The following SIPA1L1 variants were observed in gnomAD, a reference collection of about 807,000 sequenced individuals.
SIPA1L1 encodes signal induced proliferation associated 1 like 1, also known as signal-induced proliferation-associated 1-like protein 1.
In SIPA1L1, 26 loss-of-function variants were observed where a neutral mutation model predicts 162.7. The observed-to-expected ratio is 0.16, with a 90% CI of 0.12 to 0.22. SIPA1L1 has a LOEUF of 0.22. Among genes scored for constraint, SIPA1L1 ranks in the 10% least tolerant of loss-of-function variants. The pLI, the probability that SIPA1L1 is intolerant of heterozygous loss-of-function variation, is 1.00. For missense variants in SIPA1L1, 1,874 were observed against 2,241.0 expected, an observed-to-expected ratio of 0.84 and a Z score of 3.31; for synonymous variants, 829 against 837.4, an observed-to-expected ratio of 0.99 and a Z score of 0.17.
intron 2 of SIPA1L1, among the ~76,000 whole-genome samples, chr14:71,462,858 G>A (rs1595587306): frequency 6.6e-6 from 1 of 152,352 alleles, no homozygotes; most frequent in East Asian, 1.9e-4. Context: ...GACAGTAAAT[G>A]TATATTGCTG....
chr14:71,384,649 C>G lies in SIPA1L1; in HGVS notation c.-465+63468C>G, dbSNP rs542236488. Among the ~76,000 whole-genome samples, 11 of 152,314 alleles carry G rather than the reference C, an allele frequency of 7.2e-5. No individual in the cohort carries two copies. The East Asian group carries it at 2.1e-3, about 29-fold the overall frequency. On this transcript the variant is annotated intron_variant, in intron 2 of 23. Transcript: ENST00000381232. ...TTGAATTTAAGGTAAGTTTCTAACA[C>G]ATGGAATATGAAGTTCAAATACTCA...
intron 4 of SIPA1L1, among the ~76,000 whole-genome samples, chr14:71,559,050 G>A (rs188203711): frequency 6.6e-6 from 1 of 150,918 alleles, no homozygotes; most frequent in African/African-American, 2.4e-5. Context: ...CTACTCAATC[G>A]TAATTTCAGC....
intron 2 of SIPA1L1, among the ~76,000 whole-genome samples, chr14:71,508,499 G>A (rs1029970519): frequency 9.2e-5 from 14 of 152,140 alleles, no homozygotes; most frequent in Non-Finnish European, 1.6e-4. Flanking sequence ...TTTATAAGCC[G>A]AAGAGAAGCC....
chr14:71,712,291 G>A (rs551457566), intron 17 of SIPA1L1, among the ~76,000 whole-genome samples: 2 of 152,166 alleles, frequency 1.3e-5, no homozygotes, highest in East Asian at 3.9e-4. Context: ...CTCCTCATGA[G>A]AGCTACATTA....
intron 2 of SIPA1L1, among the ~76,000 whole-genome samples, chr14:71,484,899 A>G (rs1197337141): frequency 1.3e-5 from 2 of 152,220 alleles, no homozygotes; most frequent in African/African-American, 2.4e-5. Context: ...AACAAAACCT[A>G]TGCTTAGAGT....
At chr14:71,528,134 C>T (rs1467163339) in intron 3 of SIPA1L1, among the ~76,000 whole-genome samples, 1 of 152,144 alleles carries the variant, frequency 6.6e-6, no homozygotes, top group Non-Finnish European at 1.5e-5. Flanking sequence ...TTCAGCACTC[C>T]ATAGTGTGCT....
chr14:71,432,102 C>G (rs1209538320), intron 2 of SIPA1L1, among the ~76,000 whole-genome samples: 1 of 151,864 alleles, frequency 6.6e-6, no homozygotes, highest in Non-Finnish European at 1.5e-5. Flanking sequence ...GAGAAAGGAT[C>G]TTGTCTCTGT....
At chr14:71,426,920 A>T (rs2043612951) in intron 2 of SIPA1L1, among the ~76,000 whole-genome samples, 1 of 152,370 alleles carries the variant, frequency 6.6e-6, no homozygotes, top group African/African-American at 2.4e-5. Flanking sequence ...GTAATAATGA[A>T]CTAATAAGAG....
chr14:71,523,631 T>C (rs879390775), intron 3 of SIPA1L1, among the ~76,000 whole-genome samples: 7 of 152,246 alleles, frequency 4.6e-5, no homozygotes, highest in Non-Finnish European at 8.8e-5. Flanking sequence ...TTCCTTATTT[T>C]CTTTAACCTG....
In SIPA1L1 at chr14:71,411,731, C is replaced by T. The variant is rs201533447; in HGVS notation, c.-465+90550C>T. 5.6e-4 allele frequency among the ~76,000 whole-genome samples: 86 copies of T among 152,296 alleles called. 1 individual carries two copies. Among genetic ancestry groups the T allele is most frequent in the African/African-American group, 2.0e-3 (83 of 41,570 alleles). On this transcript the variant is annotated intron_variant, in intron 2 of 23. Coordinates refer to ENST00000381232, the MANE Select transcript of SIPA1L1 (RefSeq NM_001386936.1). ...TTCTGGTGCTTTGGGGTACGAGCAC[C>T]GGTCTTTGCCCCACTACCCACAGCC...
At chr14:71,579,490 G>A (rs558088876) in intron 4 of SIPA1L1, among the ~76,000 whole-genome samples, 4 of 152,334 alleles carry the variant, frequency 2.6e-5, no homozygotes, top group Middle Eastern at 3.4e-3. Flanking sequence ...GTGAGGAAAC[G>A]AAATGGGTGA....
At chr14:71,355,879 T>C in intron 2 of SIPA1L1, among the ~76,000 whole-genome samples, 1 of 152,204 alleles carries the variant, frequency 6.6e-6, no homozygotes. Flanking sequence ...TGAGTGTTGG[T>C]TGGGGTTTTT....
intron 9 of SIPA1L1, among the ~76,000 whole-genome samples, chr14:71,660,780 G>A (rs1239610404): frequency 6.6e-6 from 1 of 152,172 alleles, no homozygotes; most frequent in Non-Finnish European, 1.5e-5. Flanking sequence ...TAAAGAAGCT[G>A]TTTAAACCTG....
chr14:71,350,980 G>T (rs1269917977), intron 2 of SIPA1L1, among the ~76,000 whole-genome samples: 1 of 152,114 alleles, frequency 6.6e-6, no homozygotes, highest in Non-Finnish European at 1.5e-5. Context: ...CTCTGTATTT[G>T]ATTTCTGTGG....
chr14:71,646,246 G>A (rs945722201), intron 7 of SIPA1L1, among the ~76,000 whole-genome samples: 5 of 149,594 alleles, frequency 3.3e-5, no homozygotes, highest in East Asian at 2.0e-4. Flanking sequence ...GCGCTATCTC[G>A]GCTCACTGCA....
rs1037885864 is a variant in SIPA1L1 at position 71,738,277 on chromosome 14, G to A, written c.5160G>A (p.Val1720=). 20 of 1,613,592 alleles carry A rather than the reference G, an allele frequency of 1.2e-5. No homozygotes were observed. The Admixed American group carries it at 3.0e-4, about 24-fold the overall frequency. Residue 1720 remains valine, a synonymous_variant, in exon 23 of 24, where the codon GTG becomes GTA. Coordinates refer to ENST00000381232, the MANE Select transcript of SIPA1L1 (RefSeq NM_001386936.1). ...CCTCTCCCACTCTGGCTTCTAAAGTGGACCAGCTGGAAGGTATGCTGAAGA... is the reference window on the plus strand; with the variant it reads ...CCTCTCCCACTCTGGCTTCTAAAGTAGACCAGCTGGAAGGTATGCTGAAGA... The part of the protein sequence containing the change: ...KDSSPTLASK[V]DQLEGMLKML...
At chr14:71,452,753 T>C (rs1038428396) in intron 2 of SIPA1L1, among the ~76,000 whole-genome samples, 18 of 152,224 alleles carry the variant, frequency 1.2e-4, no homozygotes, top group African/African-American at 4.3e-4. Flanking sequence ...GTATTTGTTG[T>C]TGTGCAGATT....
At chr14:71,541,270 A>G (rs918603591) in intron 4 of SIPA1L1, among the ~76,000 whole-genome samples, 5 of 152,224 alleles carry the variant, frequency 3.3e-5, no homozygotes, top group Admixed American at 6.5e-5. Flanking sequence ...ATGGATGAGT[A>G]CATTAACCAA....
chr14:71,655,021 G>A (rs536681810), intron 8 of SIPA1L1, among the ~76,000 whole-genome samples: 2 of 152,234 alleles, frequency 1.3e-5, no homozygotes, highest in East Asian at 1.9e-4. Context: ...TAATGCTGGG[G>A]CTTGAGCTTC....
Sources: allele counts gnomAD v4.1 joint callset (sites outside exome capture counted in the v4.1 genomes callset), GRCh38; gene constraint gnomAD v4.1.1; transcripts MANE v1.5; gene names NCBI Gene and HGNC (gene_info 2026-07-23, HGNC 2026-07-21).